Variants in DPP10 observed in about 807,000 individuals in gnomAD.
The protein encoded by DPP10 is inactive dipeptidyl peptidase 10.
DPP10 carries 33 observed loss-of-function variants against 120.9 expected under a neutral mutation model. That is an observed-to-expected ratio of 0.27 (90% CI 0.21 to 0.37). The LOEUF (loss-of-function observed/expected upper bound fraction) is 0.37. Among genes scored for constraint, DPP10 ranks in the 10% least tolerant of loss-of-function variants. The pLI, the probability that DPP10 is intolerant of heterozygous loss-of-function variation, is 1.00. For synonymous variants in DPP10, 337 were observed against 326.1 expected, an observed-to-expected ratio of 1.03 and a Z score of -0.36; for missense variants, 816 against 942.8, an observed-to-expected ratio of 0.87 and a Z score of 1.76.
intron 1 of DPP10, among the ~76,000 whole-genome samples, chr2:115,229,221 A>G (rs182913600): frequency 6.6e-6 from 1 of 152,176 alleles, no homozygotes; most frequent in African/African-American, 2.4e-5. Context: ...TAATTGCATT[A>G]TTAGACTTTT....
chr2:115,220,049 A>G (rs1428348906), intron 1 of DPP10, among the ~76,000 whole-genome samples: 3 of 152,192 alleles, frequency 2.0e-5, no homozygotes, highest in Non-Finnish European at 1.5e-5. Context: ...TATAAGGGTC[A>G]GCTAACTTAA....
chr2:114,865,298 T>C (rs900094934), intron 1 of DPP10, among the ~76,000 whole-genome samples: 31 of 152,234 alleles, frequency 2.0e-4, no homozygotes, highest in African/African-American at 7.2e-4. Flanking sequence ...ATGACAGTTA[T>C]GTAAAAATCT....
At chr2:114,708,314 C>T (rs1229288912) in intron 1 of DPP10, among the ~76,000 whole-genome samples, 1 of 152,154 alleles carries the variant, frequency 6.6e-6, no homozygotes, top group African/African-American at 2.4e-5. Context: ...TGAGCACAAG[C>T]ATTGCAGGAT....
intron 1 of DPP10, among the ~76,000 whole-genome samples, chr2:114,834,220 TA>T (rs1687412385): frequency 6.6e-6 from 1 of 150,632 alleles, no homozygotes; most frequent in South Asian, 2.1e-4. Context: ...CACCTATGTA[TA>T]TATATAGGCC....
At chr2:114,486,991 A>G (rs1346752146) in intron 1 of DPP10, among the ~76,000 whole-genome samples, 1 of 152,160 alleles carries the variant, frequency 6.6e-6, no homozygotes, top group Non-Finnish European at 1.5e-5. Flanking sequence ...CATAATTCAC[A>G]TTCTTGCAAA....
intron 1 of DPP10, among the ~76,000 whole-genome samples, chr2:114,855,740 C>G (rs1689318046): frequency 6.6e-6 from 1 of 152,122 alleles, no homozygotes; most frequent in South Asian, 2.1e-4. Flanking sequence ...TTACAAGAGA[C>G]AATTTTAAAA....
chr2:115,015,535 C>T (rs1394145984), intron 1 of DPP10, among the ~76,000 whole-genome samples: 1 of 152,078 alleles, frequency 6.6e-6, no homozygotes, highest in Non-Finnish European at 1.5e-5. Context: ...AAAGTGTATT[C>T]AAATAGGAAG....
In DPP10 at chr2:115,767,491, A is replaced by G. The variant is rs865845057; in HGVS notation, c.1114-806A>G. Among the ~76,000 whole-genome samples the G allele has an allele frequency of 1.2e-3, 137 of 115,656 alleles. No homozygotes were observed. The Middle Eastern group carries it at 0.02, about 17-fold the overall frequency. 75.9% of individuals were successfully genotyped at this position (115,656 alleles called of 152,430 possible). A position where few individuals can be genotyped will look rare whatever the true frequency, so the allele number is the denominator to read the frequency against. ...TACATATATGTGTGTGTGTGTGTGT[A>G]TATATATATACACATAGTGTGTGTG... On this transcript the variant is annotated intron_variant, in intron 12 of 25. Transcript: ENST00000410059.
At chr2:115,763,751 C>T (rs1680383103) in intron 12 of DPP10, among the ~76,000 whole-genome samples, 1 of 152,150 alleles carries the variant, frequency 6.6e-6, no homozygotes, top group South Asian at 2.1e-4. Context: ...ACATTCCCCT[C>T]ATACTTGCAC....
At chr2:114,910,476 A>G (rs1457033691) in intron 1 of DPP10, among the ~76,000 whole-genome samples, 1 of 152,050 alleles carries the variant, frequency 6.6e-6, no homozygotes, top group East Asian at 1.9e-4. Flanking sequence ...CAAATTCGAC[A>G]CAGCTGAAGA....
intron 1 of DPP10, among the ~76,000 whole-genome samples, chr2:114,844,087 C>G (rs947368183): frequency 3.3e-5 from 5 of 152,046 alleles, no homozygotes. Context: ...GCTTTGATCC[C>G]TTTTAGTCTC....
chr2:115,808,573 A>G (rs1180019225), intron 19 of DPP10, among the ~76,000 whole-genome samples: 1 of 152,206 alleles, frequency 6.6e-6, no homozygotes, highest in Non-Finnish European at 1.5e-5. Context: ...AGATGCTATT[A>G]TCACCCTCTA....
chr2:115,536,749 A>G (rs540281861), intron 5 of DPP10, among the ~76,000 whole-genome samples: 1 of 152,120 alleles, frequency 6.6e-6, no homozygotes, highest in South Asian at 2.1e-4. Flanking sequence ...TATGTTAGCA[A>G]TTTCTGATTC....
chr2:114,832,419 C>T (rs1351745308), intron 1 of DPP10, among the ~76,000 whole-genome samples: 1 of 152,160 alleles, frequency 6.6e-6, no homozygotes, highest in Non-Finnish European at 1.5e-5. Context: ...CCTGTAGTCC[C>T]AGCTACTCAG....
intron 1 of DPP10, among the ~76,000 whole-genome samples, chr2:114,586,021 G>C (rs184692829): frequency 6.6e-6 from 1 of 152,176 alleles, no homozygotes; most frequent in Non-Finnish European, 1.5e-5. Context: ...GCTGAGGTGA[G>C]CAGATTGCTT....
At chr2:114,649,453 A>G (rs1320760307) in intron 1 of DPP10, among the ~76,000 whole-genome samples, 1 of 151,382 alleles carries the variant, frequency 6.6e-6, no homozygotes, top group African/African-American at 2.4e-5. Context: ...GGTTCACGCC[A>G]TTCTCCTGCC....
intron 1 of DPP10, among the ~76,000 whole-genome samples, chr2:114,971,078 TA>T (rs1442315513): frequency 6.6e-6 from 1 of 152,160 alleles, no homozygotes; most frequent in Non-Finnish European, 1.5e-5. Context: ...CCGATTGAAA[TA>T]AAAGAGTAAA....
At chr2:115,457,217 G>GA (rs957515111) in intron 3 of DPP10, among the ~76,000 whole-genome samples, 14 of 151,308 alleles carry the variant, frequency 9.3e-5, no homozygotes, top group African/African-American at 1.5e-4. Flanking sequence ...ATATCCACTT[G>GA]AAAAAAAATG....
intron 3 of DPP10, among the ~76,000 whole-genome samples, chr2:115,366,158 T>G (rs1162419055): frequency 1.3e-5 from 2 of 151,984 alleles, no homozygotes; most frequent in Non-Finnish European, 2.9e-5. Context: ...TTTTTCCATT[T>G]TCTTCCCAAA....
Sources: gnomAD v4.1 joint callset for allele counts (sites outside exome capture counted in the v4.1 genomes callset) on GRCh38, gnomAD v4.1.1 for gene constraint, MANE v1.5 for transcripts, NCBI Gene and HGNC (gene_info 2026-07-23, HGNC 2026-07-21) for gene names.